The following DACT1 variants were observed in gnomAD, a reference collection of about 807,000 sequenced individuals.
DACT1 encodes dishevelled binding antagonist of beta catenin 1, also known as dapper homolog 1.
DACT1 carries 19 observed loss-of-function variants against 35.3 expected under a neutral mutation model. The observed-to-expected ratio is 0.54, with a 90% CI of 0.38 to 0.79. The LOEUF (loss-of-function observed/expected upper bound fraction) is 0.79. Ranked by LOEUF, DACT1 falls within the 30% of genes least tolerant of loss-of-function variation. The pLI, the probability that DACT1 is intolerant of heterozygous loss-of-function variation, is 0.00. For synonymous variants in DACT1, 545 were observed against 466.7 expected, an observed-to-expected ratio of 1.17 and a Z score of -2.16; for missense variants, 1,143 against 1,057.5, an observed-to-expected ratio of 1.08 and a Z score of -1.12.
rs770542487 is a variant in DACT1, at chr14:58,645,447, C to A, written c.713C>A (p.Ala238Asp). The A allele has an allele frequency of 6.2e-7, 1 of 1,614,254 alleles. No individual in the cohort carries two copies. The highest frequency in any genetic ancestry group is 8.5e-7 in the Non-Finnish European group (1 of 1,180,048). Residue 238 changes from alanine to aspartate, a missense_variant, in exon 4 of 4, where the codon GCT (alanine) becomes GAT (aspartate). Transcript: ENST00000395153. ...TATCGCTATCCCAGTCCACTTCATGCTGTGGCTGTGCAGAGCCCAATGTTT... is the reference window on the plus strand; with the variant it reads ...TATCGCTATCCCAGTCCACTTCATGATGTGGCTGTGCAGAGCCCAATGTTT... ...DVYRYPSPLHAVAVQSPMFLL... is the reference protein window; with the variant it reads ...DVYRYPSPLHDVAVQSPMFLL...
At chr14:58,641,798 C>T (rs765864644) in intron 3 of DACT1, 51 bp downstream of exon 3, 25 of 1,579,358 alleles carry the variant, frequency 1.6e-5, no homozygotes, top group Non-Finnish European at 2.1e-5. Flanking sequence ...GCATCAAGGG[C>T]CCTTAAAAGG....
Position 58,647,080 on chromosome 14 carries a change from G to A in DACT1, c.2346G>A (p.Lys782=). 5 of 1,614,138 alleles carry A rather than the reference G, an allele frequency of 3.1e-6. No individual in the cohort carries two copies. The highest frequency in any genetic ancestry group is 2.2e-5 in the East Asian group (1 of 44,886). ...AAATTAAGGCCTCACATAACCTCAA[G>A]AAGAAGATCCTCCGCTTTCGGTCTG... is the stretch of plus-strand genomic sequence containing the variant. The part of the protein sequence containing the change: ...FVKIKASHNL[K]KKILRFRSGS... Residue 782 remains lysine, a synonymous_variant, in exon 4 of 4, where the codon AAG becomes AAA. Transcript: ENST00000395153.
At chr14:58,641,502 T>A (rs2047626463) in intron 2 of DACT1, 90 bp from the exon 3 acceptor site, 4 of 1,428,774 alleles carry the variant, frequency 2.8e-6, no homozygotes, top group Middle Eastern at 1.9e-4. Context: ...AAAATCTCCT[T>A]TTCCTAAATG....
chr14:58,646,584 G>T lies in DACT1; in HGVS notation c.1850G>T (p.Gly617Val). The T allele has an allele frequency of 6.3e-7, 1 of 1,579,222 alleles. No homozygotes were observed. Among genetic ancestry groups the T allele is most frequent in the Non-Finnish European group, 8.6e-7 (1 of 1,162,920 alleles). Residue 617 changes from glycine (G) to valine (V), a missense_variant, in exon 4 of 4, where the codon GGG becomes GTG. By Grantham distance (109) the Gly-to-Val change is moderately radical. Around this residue, in one of 3 missense-constraint regions of DACT1, gnomAD observed 1,054 missense variants for 958.8 expected, o/e 1.10. Coordinates refer to ENST00000395153, the MANE Select transcript of DACT1 (RefSeq NM_001079520.2). ...CCCGCGGGCGGGGGCCACAGGGCGGGGAGCAGGGCGCATGGCCACGGACGG... is the reference window on the plus strand; with the variant it reads ...CCCGCGGGCGGGGGCCACAGGGCGGTGAGCAGGGCGCATGGCCACGGACGG... ...GRPAGGGHRA[G>V]SRAHGHGREA...
In DACT1 at chr14:58,647,596, G is replaced by C. The variant is rs1389381498; in HGVS notation, c.*462G>C. On this transcript the variant is annotated 3_prime_UTR_variant, in exon 4 of 4. Transcript: ENST00000395153. The stretch of plus-strand genomic sequence containing the variant: ...ACAATAGTGTGAAGTAGGTATGAGG[G>C]GCAGTCATTGTATTCTATAGTTTTT... 1 of 180,348 alleles carries C rather than the reference G, an allele frequency of 5.5e-6. No homozygotes were observed. The highest frequency in any genetic ancestry group is 1.3e-5 in the Non-Finnish European group (1 of 78,396). The allele number at this position is 180,348 out of a possible 1,614,324, so 11.2% of individuals were successfully genotyped here. A position where few individuals can be genotyped will look rare whatever the true frequency, so the allele number is the denominator to read the frequency against.
At position 58,638,415 on chromosome 14, in the gene DACT1, C is replaced by G; in HGVS notation, c.213C>G (p.Gly71=). Residue 71 remains glycine (G), a synonymous_variant, in exon 1 of 4, where the codon GGC becomes GGG. Coordinates refer to ENST00000395153, the MANE Select transcript of DACT1 (RefSeq NM_001079520.2). The part of the protein sequence containing the change: ...LRQRQELLVR[G]ALRGAGGAGA... Reference sequence around the variant, plus strand: ...AGCGCCAAGAGCTGCTGGTCAGGGGCGCCCTGCGCGGCGCCGGGGGTGCGG... The same window carrying G: ...AGCGCCAAGAGCTGCTGGTCAGGGGGGCCCTGCGCGGCGCCGGGGGTGCGG... 1 of 1,306,778 alleles carries G rather than the reference C, an allele frequency of 7.7e-7. No individual in the cohort carries two copies. The highest frequency in any genetic ancestry group is 2.5e-5 in the South Asian group (1 of 40,770). The allele number at this position is 1,306,778 out of a possible 1,614,324, so 80.9% of individuals were successfully genotyped here. A position where few individuals can be genotyped will look rare whatever the true frequency, so the allele number is the denominator to read the frequency against.
At chr14:58,638,809 CCCT>C (rs1043270684) in intron 1 of DACT1, 3 of 1,169,852 alleles carry the variant, frequency 2.6e-6, no homozygotes, top group African/African-American at 1.6e-5. Context: ...GGCCGCTCTT[CCCT>C]CCTCCTCTGC....
rs1190718920 is a variant in DACT1 at position 58,637,991 on chromosome 14, C to G, written c.-212C>G. 1 of 324,790 alleles carries G rather than the reference C, an allele frequency of 3.1e-6. No homozygotes were observed. The highest frequency in any genetic ancestry group is 6.4e-5 in the East Asian group (1 of 15,740). The allele number at this position is 324,790 out of a possible 1,614,324, so 20.1% of individuals were successfully genotyped here. On this transcript the variant is annotated 5_prime_UTR_variant, in exon 1 of 4. Transcript: ENST00000395153. ...TCAGCTGCCGGGCCGCGGCGAGGGA[C>G]GCGCGGCGACAGCGGACGGCGCTGC...
Position 58,646,838 on chromosome 14 carries a change from G to A in DACT1, c.2104G>A (p.Val702Met). The A allele has an allele frequency of 6.2e-7, 1 of 1,614,162 alleles. No homozygotes were observed. ...ECESLFHSTVVDTSEDEQSNY... is the reference protein window; with the variant it reads ...ECESLFHSTVMDTSEDEQSNY... The stretch of plus-strand genomic sequence containing the variant: ...CGAGTCCCTGTTCCACTCCACCGTG[G>A]TGGACACCAGTGAGGACGAGCAGAG... The change falls in exon 4 of 4, where the codon GTG (valine) becomes ATG (methionine). Residue 702 changes from valine to methionine, a missense_variant. Val to Met is a conservative substitution (Grantham distance 21, BLOSUM62 1). Transcript: ENST00000395153.
chr14:58,642,093 T>C (rs1307491501), intron 3 of DACT1, among the ~76,000 whole-genome samples: 1 of 152,222 alleles, frequency 6.6e-6, no homozygotes, highest in Admixed American at 6.5e-5. Flanking sequence ...CTTTTAATTA[T>C]GTAAAGCTAA....
chr14:58,644,236 T>C (rs532290729), intron 3 of DACT1, among the ~76,000 whole-genome samples: 112 of 152,348 alleles, frequency 7.4e-4, no homozygotes, highest in African/African-American at 2.6e-3. Flanking sequence ...ATGGGAAATT[T>C]ATCCATTAAT....
Position 58,645,574 on chromosome 14 carries a change from C to T in DACT1, c.840C>T (p.Asp280=). 1 of 1,614,232 alleles carries T rather than the reference C, an allele frequency of 6.2e-7. No homozygotes were observed. Among genetic ancestry groups the T allele is most frequent in the Non-Finnish European group, 8.5e-7 (1 of 1,180,050 alleles). ...CTGAGCTAGATGCCGTCAAAACAGA[C>T]AGTTCCTTACCGTCCCCAAGCAGTC... ...GGSELDAVKT[D]SSLPSPSSLW... Residue 280 remains aspartate (D), a synonymous_variant, in exon 4 of 4, where the codon GAC becomes GAT. Transcript: ENST00000395153.
Position 58,646,648 on chromosome 14 carries a change from C to T in DACT1, c.1914C>T (p.Asp638=), listed in dbSNP as rs777508749. ...VVAKPKHKRT[D]YRRWKSSAEI... Reference sequence around the variant, plus strand: ...CCAAACCTAAGCACAAGCGAACTGACTACCGGCGGTGGAAGTCCTCGGCCG... The same window carrying T: ...CCAAACCTAAGCACAAGCGAACTGATTACCGGCGGTGGAAGTCCTCGGCCG... The change falls in exon 4 of 4, where the codon GAC becomes GAT. Residue 638 remains aspartate, a synonymous_variant. Transcript: ENST00000395153. 6.2e-7 allele frequency: 1 copy of T among 1,611,980 alleles called. No homozygotes were observed. The highest frequency in any genetic ancestry group is 1.1e-5 in the South Asian group (1 of 91,022).
chr14:58,637,829 G>A (rs1322807357), upstream of DACT1, among the ~76,000 whole-genome samples: 2 of 151,712 alleles, frequency 1.3e-5, no homozygotes, highest in Non-Finnish European at 1.5e-5. Flanking sequence ...GGCTCTGGGG[G>A]CCGGGCGGCG....
At chr14:58,644,806 T>C (rs1363803740) in intron 3 of DACT1, among the ~76,000 whole-genome samples, 1 of 152,202 alleles carries the variant, frequency 6.6e-6, no homozygotes, top group Non-Finnish European at 1.5e-5. Context: ...GTAAACGCAG[T>C]ACAGACAGTT....
rs1196532301 is a variant in DACT1, at chr14:58,647,987, G to A, written c.*853G>A. Reference sequence around the variant, plus strand: ...CCAATCCCAGAATTGCTCACTGAGCGCTATGCCACCGAAGCGTTGACCTGA... The same window carrying A: ...CCAATCCCAGAATTGCTCACTGAGCACTATGCCACCGAAGCGTTGACCTGA... On this transcript the variant is annotated 3_prime_UTR_variant, in exon 4 of 4. Transcript: ENST00000395153. 1 of 167,066 alleles carries A rather than the reference G, an allele frequency of 6.0e-6. No individual in the cohort carries two copies. The highest frequency in any genetic ancestry group is 1.5e-5 in the Non-Finnish European group (1 of 68,140). The allele number at this position is 167,066 out of a possible 1,614,324, so 10.3% of individuals were successfully genotyped here. A position where few individuals can be genotyped will look rare whatever the true frequency, so the allele number is the denominator to read the frequency against.
At chr14:58,636,978 G>A (rs955810751), upstream of DACT1, among the ~76,000 whole-genome samples, 4 of 152,186 alleles carry the variant, frequency 2.6e-5, no homozygotes, top group Non-Finnish European at 5.9e-5. Context: ...CTATGTGCTA[G>A]CCACGTTGTA....
intron 1 of DACT1, chr14:58,639,048 T>C: frequency 2.0e-6 from 2 of 985,550 alleles, no homozygotes; most frequent in South Asian, 4.7e-5. Context: ...GGAGCGCCTG[T>C]AGGGAGCCGT....
In DACT1 at chr14:58,638,427, C is replaced by T. The variant is rs2047594735; in HGVS notation, c.225C>T (p.Gly75=). The change falls in exon 1 of 4, where the codon GGC becomes GGT. Residue 75 remains glycine, a synonymous_variant. Transcript: ENST00000395153. The part of the protein sequence containing the change: ...QELLVRGALR[G]AGGAGAAAPR... ...TGCTGGTCAGGGGCGCCCTGCGCGG[C>T]GCCGGGGGTGCGGGAGCCGCTGCGC... The T allele has an allele frequency of 7.6e-7, 1 of 1,320,972 alleles. No homozygotes were observed. Among genetic ancestry groups the T allele is most frequent in the Non-Finnish European group, 9.7e-7 (1 of 1,033,290 alleles). The allele number at this position is 1,320,972 out of a possible 1,614,324, so 81.8% of individuals were successfully genotyped here. A position where few individuals can be genotyped will look rare whatever the true frequency, so the allele number is the denominator to read the frequency against.
Sources: allele counts gnomAD v4.1 joint callset (sites outside exome capture counted in the v4.1 genomes callset), GRCh38; gene constraint gnomAD v4.1.1; regional missense constraint gnomAD v4.1.1; transcripts MANE v1.5; gene names NCBI Gene and HGNC (gene_info 2026-07-23, HGNC 2026-07-21).